Variants in RBFOX1 observed in about 807,000 individuals in gnomAD.
The protein encoded by RBFOX1 is RNA binding fox-1 homolog 1, also known as RNA binding protein fox-1 homolog 1.
In RBFOX1, 8 loss-of-function variants were observed where a neutral mutation model predicts 57.7. That is an observed-to-expected ratio of 0.14 (90% confidence interval 0.08 to 0.25). The LOEUF (loss-of-function observed/expected upper bound fraction) is 0.25. RBFOX1 is among the 10% of genes least tolerant of loss of function. The pLI is 1.00. For synonymous variants in RBFOX1, 326 were observed against 222.4 expected (o/e 1.47, Z -4.15); for missense variants, 611 against 548.5 (o/e 1.11, Z -1.14).
intron 2 of RBFOX1, among the ~76,000 whole-genome samples, chr16:5,584,438 C>T (rs1011582529): frequency 6.6e-6 from 1 of 152,156 alleles, no homozygotes. Flanking sequence ...CTTGATGTTC[C>T]GTCTTCCCTT....
At chr16:6,522,663 C>A (rs964086371) in intron 2 of RBFOX1, among the ~76,000 whole-genome samples, 1 of 152,058 alleles carries the variant, frequency 6.6e-6, no homozygotes, top group Non-Finnish European at 1.5e-5. Flanking sequence ...ATACTAATAA[C>A]CAGGTTAATC....
rs149586883 is a variant in RBFOX1, at chr16:6,683,576, C to T, written c.-16+28926C>T. ...TTACAAATATATACGTTTGCATACACGTGTATACATGTGTGTGTGTATGTA... is the reference window on the plus strand; with the variant it reads ...TTACAAATATATACGTTTGCATACATGTGTATACATGTGTGTGTGTATGTA... On this transcript the variant is annotated intron_variant, in intron 3 of 15. Transcript: ENST00000550418. 1.2e-4 allele frequency among the ~76,000 whole-genome samples: 19 copies of T among 152,228 alleles called. No individual in the cohort carries two copies. The East Asian group carries it at 3.1e-3, about 25-fold the overall frequency.
At chr16:7,709,257 C>A (rs1348958224) in intron 15 of RBFOX1, 126 bp downstream of exon 15, 2 of 1,026,192 alleles carry the variant, frequency 1.9e-6, no homozygotes, top group Non-Finnish European at 2.8e-6. Context: ...GTGCTAACAG[C>A]AGCTAAAATG....
At chr16:7,244,870 C>G (rs1177417007) in intron 4 of RBFOX1, among the ~76,000 whole-genome samples, 2 of 152,126 alleles carry the variant, frequency 1.3e-5, no homozygotes, top group Admixed American at 6.5e-5. Context: ...AGAGATATTC[C>G]TCTACTGTAA....
intron 2 of RBFOX1, among the ~76,000 whole-genome samples, chr16:6,519,903 G>C (rs919435109): frequency 6.6e-5 from 10 of 152,126 alleles, no homozygotes; most frequent in African/African-American, 2.2e-4. Flanking sequence ...CAGAACTGTG[G>C]GTTTGGCCCC....
chr16:6,629,641 C>T (rs1329550251), intron 2 of RBFOX1, among the ~76,000 whole-genome samples: 2 of 151,724 alleles, frequency 1.3e-5, no homozygotes, highest in Non-Finnish European at 2.9e-5. Flanking sequence ...GCTCAGAGCC[C>T]CTTAACTGGA....
At chr16:5,611,728 A>ATCCATCCATCCATCCATCCATCCATCCC (rs1253131340) in intron 3 of RBFOX1, among the ~76,000 whole-genome samples, 1 of 140,938 alleles carries the variant, frequency 7.1e-6, no homozygotes, top group African/African-American at 2.7e-5. Flanking sequence ...CTATCCATCC[A>ATCCATCCATCCATCCATCCATCCATCCC]TCCATCCATC....
At chr16:5,549,709 C>T (rs1252792641) in intron 2 of RBFOX1, among the ~76,000 whole-genome samples, 2 of 152,138 alleles carry the variant, frequency 1.3e-5, no homozygotes, top group Non-Finnish European at 2.9e-5. Context: ...CATGGTTTTA[C>T]ATACATTAAG....
intron 2 of RBFOX1, among the ~76,000 whole-genome samples, chr16:6,584,831 C>G (rs1039600479): frequency 6.6e-6 from 1 of 152,180 alleles, no homozygotes; most frequent in African/African-American, 2.4e-5. Flanking sequence ...CCAGCAGCCT[C>G]CAGCCGATGT....
chr16:5,592,398 C>A (rs534369981), intron 2 of RBFOX1, among the ~76,000 whole-genome samples: 186 of 151,920 alleles, frequency 1.2e-3, no homozygotes, highest in African/African-American at 3.9e-3. Context: ...TCTTCACTAC[C>A]ACTCTGAGAT....
intron 1 of RBFOX1, among the ~76,000 whole-genome samples, chr16:5,299,251 T>C (rs2063748603): frequency 1.3e-5 from 2 of 152,142 alleles, no homozygotes; most frequent in African/African-American, 4.8e-5. Context: ...CCATACTGTG[T>C]ATATCAGTGG....
intron 3 of RBFOX1, among the ~76,000 whole-genome samples, chr16:5,660,333 C>G (rs572914870): frequency 1.4e-4 from 22 of 152,264 alleles, no homozygotes; most frequent in African/African-American, 4.8e-4. Flanking sequence ...TTGCACTCTC[C>G]TCTCCCTCGC....
chr16:5,725,786 G>T (rs959079029), intron 3 of RBFOX1, among the ~76,000 whole-genome samples: 5 of 151,916 alleles, frequency 3.3e-5, no homozygotes, highest in African/African-American at 1.2e-4. Context: ...ACTGCTAGCT[G>T]CCCTCTCCCC....
At chr16:5,781,374 A>G (rs898830736) in intron 3 of RBFOX1, among the ~76,000 whole-genome samples, 2 of 152,282 alleles carry the variant, frequency 1.3e-5, no homozygotes, top group South Asian at 2.1e-4. Flanking sequence ...ATGGATTGCT[A>G]TTAGAGGTTT....
intron 3 of RBFOX1, among the ~76,000 whole-genome samples, chr16:6,938,440 T>G (rs1359041633): frequency 6.6e-6 from 1 of 152,188 alleles, no homozygotes; most frequent in South Asian, 2.1e-4. Context: ...GCTGTTGTTA[T>G]TTTTGTTGTT....
rs370270905 is a variant in RBFOX1 at position 5,592,045 on chromosome 16, C to CTTATT, written c.259-6855_259-6851dup. On this transcript the variant is annotated intron_variant, in intron 2 of 2. Coordinates refer to the RBFOX1 transcript ENST00000585867. ...GTCTCCGTAAAAAATAATATATTGC[C>CTTATT]TTATTTGCATTTCTTTTATTATGGT... Among the ~76,000 whole-genome samples the CTTATT allele has an allele frequency of 2.4e-3, 358 of 152,218 alleles. 1 individual carries two copies. Among genetic ancestry groups the CTTATT allele is most frequent in the African/African-American group, 8.2e-3 (340 of 41,534 alleles).
chr16:7,318,453 A>C (rs921913286), intron 4 of RBFOX1, among the ~76,000 whole-genome samples: 1 of 152,108 alleles, frequency 6.6e-6, no homozygotes, highest in Non-Finnish European at 1.5e-5. Flanking sequence ...CTGGCTTCAG[A>C]TTTGGTTCAA....
intron 2 of RBFOX1, among the ~76,000 whole-genome samples, chr16:6,339,370 G>C (rs2084204873): frequency 6.6e-6 from 1 of 152,140 alleles, no homozygotes; most frequent in Non-Finnish European, 1.5e-5. Flanking sequence ...GGAGACACTG[G>C]GTTACAGCAG....
Position 6,794,806 on chromosome 16 carries a change from A to G in RBFOX1, c.-16+140156A>G, listed in dbSNP as rs575500936. ...GTTTTCTTTCAGTAGCAGATGGTACATGGATTTTTATTTGATGCAGGCACT... is the reference window on the plus strand; with the variant it reads ...GTTTTCTTTCAGTAGCAGATGGTACGTGGATTTTTATTTGATGCAGGCACT... On this transcript the variant is annotated intron_variant, in intron 3 of 15. Transcript: ENST00000550418. Among the ~76,000 whole-genome samples, 5 of 152,282 alleles carry G rather than the reference A, an allele frequency of 3.3e-5. No homozygotes were observed. The South Asian group carries it at 1.0e-3, about 32-fold the overall frequency.
Sources: allele counts gnomAD v4.1 joint callset (sites outside exome capture counted in the v4.1 genomes callset), GRCh38; gene constraint gnomAD v4.1.1; transcripts MANE v1.5; gene names NCBI Gene and HGNC (gene_info 2026-07-23, HGNC 2026-07-21).